The following ZNF541 variants were observed in gnomAD, a reference collection of about 807,000 sequenced individuals.
ZNF541 encodes the protein zinc finger protein 541.
ZNF541 carries 23 observed loss-of-function variants against 123.5 expected under a neutral mutation model. The ratio of observed to expected loss-of-function variants is 0.19; its 90% CI spans 0.13 to 0.26. ZNF541 has a LOEUF of 0.26. Among genes scored for constraint, ZNF541 ranks in the 10% least tolerant of loss-of-function variants. The probability of loss-of-function intolerance (pLI) is 1.00; values close to 1 mark genes in which losing one functional copy is unlikely to be tolerated. For missense variants in ZNF541, 1,612 were observed against 1,789.9 expected, an observed-to-expected ratio of 0.90 and a Z score of 1.79; for synonymous variants, 751 against 754.5, an observed-to-expected ratio of 1.00 and a Z score of 0.08.
rs762229822 is a variant in ZNF541, at chr19:47,544,264, G to A, written c.2265C>T (p.Ser755=). 2.6e-6 allele frequency: 4 copies of A among 1,551,478 alleles called. No homozygotes were observed. The African/African-American group carries it at 4.1e-5, about 16-fold the overall frequency. The stretch of plus-strand genomic sequence containing the variant: ...TCTTCGCCTTCTCTTTCCGGAAGCC[G>A]GAGAATCGCGGGGCCCTGGGGTTGC... ...LLGNPRAPRF[S]GFRKEKAKMD... is the part of the protein sequence containing the mutation. Residue 755 remains serine (S), a synonymous_variant, in exon 5 of 17, where the codon TCC becomes TCT. Coordinates refer to ENST00000391901, the MANE Select transcript of ZNF541 (RefSeq NM_001277075.3).
At position 47,545,503 on chromosome 19, in the gene ZNF541, C is replaced by A; in HGVS notation, c.1026G>T (p.Gln342His). 6.7e-7 allele frequency: 1 copy of A among 1,498,968 alleles called. No homozygotes were observed. The highest frequency in any genetic ancestry group is 8.9e-7 in the Non-Finnish European group (1 of 1,120,542). 92.9% of individuals were successfully genotyped at this position (1,498,968 alleles called of 1,614,324 possible). ...TGAACACGTCAGTGGCCGGCTCTTT[C>A]TGTGGGAGGCAAGGCTCCTCGGGAA... is the stretch of plus-strand genomic sequence containing the variant. ...TELPEEPCLP[Q>H]KEPATDVFTA... Residue 342 changes from glutamine (Q) to histidine (H), a missense_variant, in exon 5 of 17, where the codon CAG becomes CAT. By Grantham distance (24) the Gln-to-His change is conservative. This residue lies in a region of ZNF541 where 1,080 missense variants were observed against 1,013.8 expected (regional missense o/e 1.07). Transcript: ENST00000391901. This position sits in a 1 kb window ranked among gnomAD's most constrained non-coding sequence, Gnocchi z 7.5.
In ZNF541 at chr19:47,521,667, C is replaced by CA. The variant is rs762612462; in HGVS notation, c.3712-14dup. On this transcript the variant is annotated splice_polypyrimidine_tract_variant and intron_variant, in intron 15 of 16. Coordinates refer to ENST00000391901, the MANE Select transcript of ZNF541 (RefSeq NM_001277075.3). This position sits in a 1 kb window ranked among gnomAD's most constrained non-coding sequence, Gnocchi z 4.2. ...GGCTGCATGGGACCTGCAGAGGGAG[C>CA]AAAAGTGACATAAGGGTGCTGACCT... The CA allele has an allele frequency of 2.7e-5, 42 of 1,550,892 alleles. No individual in the cohort carries two copies. The Middle Eastern group carries it at 1.7e-3, about 62-fold the overall frequency.
Position 47,545,773 on chromosome 19 carries a change from G to T in ZNF541, c.756C>A (p.Ser252Arg), listed in dbSNP as rs1286867809. 1.3e-6 allele frequency: 2 copies of T among 1,540,450 alleles called. No individual in the cohort carries two copies. Among genetic ancestry groups the T allele is most frequent in the African/African-American group, 2.7e-5 (2 of 72,860 alleles). The change falls in exon 5 of 17, where the codon AGC becomes AGA. Residue 252 changes from serine (S) to arginine (R), a missense_variant. By Grantham distance (110) the Ser-to-Arg change is moderately radical. Transcript: ENST00000391901. This position sits in a 1 kb window ranked among gnomAD's most constrained non-coding sequence, Gnocchi z 7.5. ...AHESAGQPPP[S>R]SLRSLVPPEA... ...CTGGGGGCACCAGGGACCGCAGGCT[G>T]CTGGGGGGCGGCTGGCCGGCCGACT... is the stretch of plus-strand genomic sequence containing the variant.
At chr19:47,526,633 G>A (rs187247271) in intron 14 of ZNF541, among the ~76,000 whole-genome samples, 12 of 152,264 alleles carry the variant, frequency 7.9e-5, no homozygotes, top group East Asian at 5.8e-4. Flanking sequence ...AACACAATGC[G>A]ATGCCACCAC....
At chr19:47,523,340 A>AAAAG (rs1969134750) in intron 14 of ZNF541, among the ~76,000 whole-genome samples, 1 of 75,610 alleles carries the variant, frequency 1.3e-5, no homozygotes, top group African/African-American at 9.0e-5. Context: ...CGTCTCTTTT[A>AAAAG]AAAAAAAAAA....
intron 9 of ZNF541, among the ~76,000 whole-genome samples, chr19:47,537,927 A>G (rs1969897471): frequency 6.6e-6 from 1 of 152,152 alleles, no homozygotes; most frequent in Non-Finnish European, 1.5e-5. Flanking sequence ...TGGTCAGGCT[A>G]AATGGCCTCT....
Position 47,553,699 on chromosome 19 carries a change from T to C in ZNF541, c.307+1851A>G, listed in dbSNP as rs1970701468. Among the ~76,000 whole-genome samples, 3 of 152,126 alleles carry C rather than the reference T, an allele frequency of 2.0e-5. No homozygotes were observed. In the South Asian group the frequency reaches 6.2e-4, roughly 32 times the overall value. On this transcript the variant is annotated intron_variant, in intron 3 of 16. Coordinates refer to ENST00000391901, the MANE Select transcript of ZNF541 (RefSeq NM_001277075.3). The stretch of plus-strand genomic sequence containing the variant: ...GATTACAGGCGTGAGCCACCACGCC[T>C]GGCCAAATTATTGTATTTTTAGTAG...
At position 47,545,640 on chromosome 19, in the gene ZNF541, C is replaced by A. The variant is rs1050771382; in HGVS notation, c.889G>T (p.Ala297Ser). 2.3e-5 allele frequency: 36 copies of A among 1,549,998 alleles called. No homozygotes were observed. The highest frequency in any genetic ancestry group is 1.7e-4 in the Middle Eastern group (1 of 6,010). The change falls in exon 5 of 17, where the codon GCT becomes TCT. Residue 297 changes from alanine to serine, a missense_variant. Ala to Ser is a moderately conservative substitution (Grantham distance 99, BLOSUM62 1). Coordinates refer to ENST00000391901, the MANE Select transcript of ZNF541 (RefSeq NM_001277075.3). The surrounding 1 kb of genome is among the most constrained non-coding windows in gnomAD (Gnocchi z 7.5). ...GTGTTCCTCCCTTCGCTGTCTGAAG[C>A]CCCCGCCGGGGCTGGGCCAGGAGAA... ...TPSPGPAPAG[A>S]SDSEGRNTAC...
intron 1 of ZNF541, among the ~76,000 whole-genome samples, 45 bp from the exon 2 acceptor site, chr19:47,572,087 C>T (rs1330720460): frequency 6.6e-6 from 1 of 152,038 alleles, no homozygotes; most frequent in East Asian, 1.9e-4. Flanking sequence ...GGACTTGGGT[C>T]CCAAAGAAAC....
At chr19:47,566,884 T>C (rs1971285524) in intron 2 of ZNF541, among the ~76,000 whole-genome samples, 1 of 150,576 alleles carries the variant, frequency 6.6e-6, no homozygotes, top group Non-Finnish European at 1.5e-5. Context: ...ACCCCGTCTT[T>C]ACTAAAAATA....
intron 3 of ZNF541, among the ~76,000 whole-genome samples, chr19:47,551,278 G>A (rs1442427899): frequency 6.6e-6 from 1 of 152,042 alleles, no homozygotes; most frequent in African/African-American, 2.4e-5. Context: ...GGCCTCAGGT[G>A]ATCCACCCAC....
At chr19:47,527,762 A>C (rs991894795) in intron 14 of ZNF541, among the ~76,000 whole-genome samples, 3 of 150,914 alleles carry the variant, frequency 2.0e-5, no homozygotes, top group Admixed American at 6.6e-5. Flanking sequence ...TGCAGTGGCG[A>C]GATCTTGGCT....
At chr19:47,567,158 A>G (rs1385921082) in intron 2 of ZNF541, among the ~76,000 whole-genome samples, 1 of 152,194 alleles carries the variant, frequency 6.6e-6, no homozygotes, top group Non-Finnish European at 1.5e-5. Context: ...CTAAGCCTGC[A>G]CTGCCCAATA....
At position 47,549,460 on chromosome 19, in the gene ZNF541, A is replaced by G. The variant is rs1467716792; in HGVS notation, c.333T>C (p.Ala111=). 3 of 1,551,778 alleles carry G rather than the reference A, an allele frequency of 1.9e-6. No homozygotes were observed. The highest frequency in any genetic ancestry group is 2.6e-6 in the Non-Finnish European group (3 of 1,147,032). Reference sequence around the variant, plus strand: ...CCCTTCCTCCTTCGTCAGCCTCTTTAGCCTTAAGCACACCTAGCCCCAGGT... The same window carrying G: ...CCCTTCCTCCTTCGTCAGCCTCTTTGGCCTTAAGCACACCTAGCCCCAGGT... ...LQDLGLGVLK[A]KEADEGGRAT... The change falls in exon 4 of 17, where the codon GCT becomes GCC. Residue 111 remains alanine, a synonymous_variant. Coordinates refer to ENST00000391901, the MANE Select transcript of ZNF541 (RefSeq NM_001277075.3).
chr19:47,531,830 G>T, intron 11 of ZNF541, 85 bp from the exon 12 acceptor site: 1 of 1,240,082 alleles, frequency 8.1e-7, no homozygotes, highest in Non-Finnish European at 1.1e-6. Flanking sequence ...AGACAGCAGA[G>T]AGGGGGTGCC....
At chr19:47,554,774 C>G (rs989738031) in intron 3 of ZNF541, among the ~76,000 whole-genome samples, 8 of 152,178 alleles carry the variant, frequency 5.3e-5, no homozygotes, top group African/African-American at 1.9e-4. Context: ...ACATTATTCC[C>G]TAGAATGAGT....
At chr19:47,556,231 T>C (rs1277085789) in intron 2 of ZNF541, among the ~76,000 whole-genome samples, 1 of 152,158 alleles carries the variant, frequency 6.6e-6, no homozygotes, top group African/African-American at 2.4e-5. Context: ...GCTATAAACA[T>C]ATACATGTAT....
At chr19:47,558,333 A>G (rs892490880) in intron 2 of ZNF541, among the ~76,000 whole-genome samples, 22 of 151,798 alleles carry the variant, frequency 1.4e-4, no homozygotes, top group East Asian at 5.9e-4. Context: ...GGAGAATGGT[A>G]TGAACCCAGG....
chr19:47,538,002 T>C (rs972665787), intron 9 of ZNF541, 140 bp downstream of exon 9: 3 of 1,005,812 alleles, frequency 3.0e-6, no homozygotes, highest in Non-Finnish European at 2.9e-6. Context: ...CTGGGGCACA[T>C]CTGAATAGCA....
Sources: allele counts gnomAD v4.1 joint callset (sites outside exome capture counted in the v4.1 genomes callset), GRCh38; gene constraint gnomAD v4.1.1; regional missense constraint gnomAD v4.1.1; non-coding constraint Gnocchi (gnomAD v3.1); transcripts MANE v1.5; gene names NCBI Gene and HGNC (gene_info 2026-07-23, HGNC 2026-07-21).